Variants in SUPT3H observed in about 807,000 individuals in gnomAD.
SUPT3H encodes transcription initiation protein SPT3 homolog.
SUPT3H carries 44 observed loss-of-function variants against 44.3 expected under a neutral mutation model. The ratio of observed to expected loss-of-function variants is 0.99; its 90% confidence interval spans 0.78 to 1.28. SUPT3H has a LOEUF of 1.28. Among genes scored for constraint, SUPT3H ranks in the 50% most tolerant of loss-of-function variants. The pLI, the probability that SUPT3H is intolerant of heterozygous loss-of-function variation, is 0.00. For missense variants in SUPT3H, 380 were observed against 387.1 expected (o/e 0.98, Z 0.15); for synonymous variants, 124 against 125.6 (o/e 0.99, Z 0.09).
chr6:45,206,713 T>A (rs1340698750), intron 2 of SUPT3H, among the ~76,000 whole-genome samples: 1 of 152,126 alleles, frequency 6.6e-6, no homozygotes, highest in African/African-American at 2.4e-5. Flanking sequence ...AAGAGCAATG[T>A]GTAGCAGTGG....
chr6:45,228,977 T>C (rs1767456996), intron 2 of SUPT3H, among the ~76,000 whole-genome samples: 1 of 152,166 alleles, frequency 6.6e-6, no homozygotes. Context: ...ACCAATAGGA[T>C]TATCAAACTT....
At chr6:44,865,358 ATTTTCAGGTATC>A (rs1775335328) in intron 10 of SUPT3H, among the ~76,000 whole-genome samples, 1 of 152,002 alleles carries the variant, frequency 6.6e-6, no homozygotes, top group South Asian at 2.1e-4. Flanking sequence ...TCACTTCCAC[ATTTTCAGGTATC>A]TTTTCAGCAG....
intron 6 of SUPT3H, among the ~76,000 whole-genome samples, chr6:44,963,115 T>C (rs1204415807): frequency 6.6e-6 from 1 of 151,696 alleles, no homozygotes. Context: ...TATGTACACA[T>C]ATACACATAA....
intron 2 of SUPT3H, chr6:45,159,083 T>G (rs558793702): frequency 6.6e-6 from 1 of 152,224 alleles, no homozygotes; most frequent in South Asian, 2.1e-4. Context: ...TCCTCCCCAC[T>G]GAAGGGGATG....
chr6:45,073,127 T>C (rs564760224), intron 3 of SUPT3H, among the ~76,000 whole-genome samples: 212 of 152,222 alleles, frequency 1.4e-3, no homozygotes, highest in Non-Finnish European at 2.1e-3. Flanking sequence ...CTTTGACAGA[T>C]AGTCTTCATT....
At chr6:44,842,865 A>ATGTC (rs1771206650) in intron 10 of SUPT3H, among the ~76,000 whole-genome samples, 1 of 152,102 alleles carries the variant, frequency 6.6e-6, no homozygotes, top group Admixed American at 6.5e-5. Context: ...AATGTTAATG[A>ATGTC]TGTCACTTGT....
chr6:45,017,030 G>A (rs1183828194), intron 4 of SUPT3H, among the ~76,000 whole-genome samples: 1 of 151,090 alleles, frequency 6.6e-6, no homozygotes, highest in Non-Finnish European at 1.5e-5. Flanking sequence ...TTTAATGATT[G>A]CCATTCTAAC....
intron 2 of SUPT3H, among the ~76,000 whole-genome samples, chr6:45,243,560 A>C: frequency 6.6e-6 from 1 of 152,196 alleles, no homozygotes; most frequent in East Asian, 1.9e-4. Flanking sequence ...TTGTAAAAGA[A>C]GAGGCATAAC....
chr6:45,332,449 C>A (rs1030301025), intron 2 of SUPT3H, among the ~76,000 whole-genome samples: 4 of 151,656 alleles, frequency 2.6e-5, no homozygotes, highest in African/African-American at 9.7e-5. Flanking sequence ...ATGATGCACC[C>A]GTGCATACTT....
chr6:45,337,092 T>C (rs994523774), intron 2 of SUPT3H, among the ~76,000 whole-genome samples: 4 of 151,604 alleles, frequency 2.6e-5, no homozygotes, highest in Non-Finnish European at 5.9e-5. Flanking sequence ...ACCCCGAACA[T>C]AGGAGATATA....
chr6:45,116,785 A>C (rs1583629802), intron 2 of SUPT3H, among the ~76,000 whole-genome samples: 1 of 152,162 alleles, frequency 6.6e-6, no homozygotes, highest in East Asian at 1.9e-4. Flanking sequence ...AATAACTTTT[A>C]GTAAATTTAC....
intron 2 of SUPT3H, among the ~76,000 whole-genome samples, chr6:45,239,757 T>G (rs1299469166): frequency 1.3e-5 from 2 of 152,218 alleles, no homozygotes; most frequent in Non-Finnish European, 2.9e-5. Context: ...TACATTTTTC[T>G]CTATACGGAA....
intron 2 of SUPT3H, among the ~76,000 whole-genome samples, chr6:45,272,399 T>C (rs1159450558): frequency 6.6e-6 from 1 of 152,142 alleles, no homozygotes; most frequent in South Asian, 2.1e-4. Flanking sequence ...GATCTGATGG[T>C]TTGATAAAGG....
At chr6:44,991,018 A>G (rs1033485121) in intron 6 of SUPT3H, among the ~76,000 whole-genome samples, 15 of 151,960 alleles carry the variant, frequency 9.9e-5, no homozygotes, top group Non-Finnish European at 4.4e-5. Flanking sequence ...TTTAACCTCT[A>G]TATTTGAGAG....
intron 10 of SUPT3H, among the ~76,000 whole-genome samples, chr6:44,866,191 A>C (rs551638134): frequency 1.3e-5 from 2 of 151,542 alleles, no homozygotes; most frequent in South Asian, 4.2e-4. Flanking sequence ...AAGAGTGAAT[A>C]ACTTTTGTAT....
intron 3 of SUPT3H, among the ~76,000 whole-genome samples, chr6:45,083,470 A>G (rs1289069022): frequency 6.6e-6 from 1 of 152,082 alleles, no homozygotes; most frequent in African/African-American, 2.4e-5. Context: ...GATTGCAGGC[A>G]TGAGCCACTG....
chr6:44,968,762 G>C (rs1302522725), intron 6 of SUPT3H, among the ~76,000 whole-genome samples: 4 of 152,058 alleles, frequency 2.6e-5, no homozygotes, highest in Middle Eastern at 3.2e-3. Flanking sequence ...GCTGTCCTGT[G>C]TCCCCACATC....
chr6:44,862,720 A>G (rs1774862630), intron 10 of SUPT3H, among the ~76,000 whole-genome samples: 1 of 151,504 alleles, frequency 6.6e-6, no homozygotes, highest in African/African-American at 2.4e-5. Flanking sequence ...AAGAAATGAT[A>G]GAATTCTATA....
At chr6:45,056,220 T>G (rs963033946) in intron 3 of SUPT3H, among the ~76,000 whole-genome samples, 1 of 152,188 alleles carries the variant, frequency 6.6e-6, no homozygotes, top group Non-Finnish European at 1.5e-5. Flanking sequence ...GGAACACTTT[T>G]ACACTGCTGG....
Sources: gnomAD v4.1 joint callset for allele counts (sites outside exome capture counted in the v4.1 genomes callset) on GRCh38, gnomAD v4.1.1 for gene constraint, MANE v1.5 for transcripts, NCBI Gene and HGNC (gene_info 2026-07-23, HGNC 2026-07-21) for gene names.